SPOCK3: variants seen among roughly 807,000 people sequenced by gnomAD.
SPOCK3 encodes SPARC (osteonectin), cwcv and kazal like domains proteoglycan 3.
A neutral mutation model predicts 56.6 loss-of-function variants in SPOCK3; 30 were observed. The ratio of observed to expected loss-of-function variants is 0.53; its 90% CI spans 0.40 to 0.72. The LOEUF (loss-of-function observed/expected upper bound fraction) is 0.72. SPOCK3 is among the 30% of genes least tolerant of loss of function. SPOCK3 has a pLI of 0.00. For synonymous variants in SPOCK3, 196 were observed against 183.3 expected (o/e 1.07, Z -0.56); for missense variants, 527 against 530.0 (o/e 0.99, Z 0.06).
chr4:166,815,599 C>A (rs765739019), intron 6 of SPOCK3, among the ~76,000 whole-genome samples: 1 of 151,888 alleles, frequency 6.6e-6, no homozygotes, highest in African/African-American at 2.4e-5. Context: ...AGCAACATAG[C>A]AAGACTCTCT....
chr4:167,112,610 C>G (rs550424876), intron 2 of SPOCK3, among the ~76,000 whole-genome samples: 12 of 152,132 alleles, frequency 7.9e-5, no homozygotes, highest in African/African-American at 2.7e-4. Flanking sequence ...AACATCAAGA[C>G]TTCACCATTC....
intron 4 of SPOCK3, among the ~76,000 whole-genome samples, chr4:166,937,392 T>C (rs1465170844): frequency 1.3e-5 from 2 of 149,866 alleles, no homozygotes; most frequent in Admixed American, 6.7e-5. Flanking sequence ...CACACACACG[T>C]ATATATTATA....
At chr4:167,029,803 A>G (rs772039554) in intron 3 of SPOCK3, among the ~76,000 whole-genome samples, 2 of 152,014 alleles carry the variant, frequency 1.3e-5, no homozygotes, top group African/African-American at 2.4e-5. Flanking sequence ...TCCTCTTTCA[A>G]TATGGAAATT....
chr4:167,112,509 C>A (rs1303054079), intron 2 of SPOCK3, among the ~76,000 whole-genome samples: 1 of 152,012 alleles, frequency 6.6e-6, no homozygotes, highest in Admixed American at 6.6e-5. Context: ...AGGACTCTTG[C>A]AGGAAAACAT....
Position 167,234,094 on chromosome 4 carries a change from G to A in SPOCK3, c.80C>T (p.Ala27Val). 1 of 1,613,888 alleles carries A rather than the reference G, an allele frequency of 6.2e-7. No homozygotes were observed. Among genetic ancestry groups the A allele is most frequent in the East Asian group, 2.2e-5 (1 of 44,848 alleles). The stretch of plus-strand genomic sequence containing the variant: ...GCCGTCCGACCGCCCCCCGGCTGCA[G>A]CCACCGCCGCGGCAGCTGCGAGAGA... ...SQSLAAAAAV[A>V]AAGGRSDGGN... The change falls in exon 2 of 11, where the codon GCT (alanine) becomes GTT (valine). Residue 27 changes from alanine (A) to valine (V), a missense_variant. Coordinates refer to ENST00000357545, the MANE Select transcript of SPOCK3 (RefSeq NM_001040159.2).
At chr4:167,121,370 G>A (rs1184774817) in intron 2 of SPOCK3, among the ~76,000 whole-genome samples, 1 of 151,594 alleles carries the variant, frequency 6.6e-6, no homozygotes, top group Middle Eastern at 3.2e-3. Context: ...CTTCGTGTCA[G>A]CAATTCAATT....
intron 6 of SPOCK3, among the ~76,000 whole-genome samples, chr4:166,872,673 C>G (rs1732609377): frequency 6.6e-6 from 1 of 152,106 alleles, no homozygotes; most frequent in Non-Finnish European, 1.5e-5. Context: ...ATAAACATCA[C>G]TAAGTGAAAG....
chr4:167,105,512 C>A (rs1224148416), intron 2 of SPOCK3, among the ~76,000 whole-genome samples: 1 of 107,588 alleles, frequency 9.3e-6, no homozygotes, highest in Admixed American at 8.4e-5. Context: ...ATCACCTTCA[C>A]TAAAAGAAAG....
chr4:167,152,166 G>A (rs77867827), intron 2 of SPOCK3, among the ~76,000 whole-genome samples: 1,553 of 152,250 alleles, frequency 0.01, 15 homozygotes, highest in Non-Finnish European at 0.014. Flanking sequence ...AACACCGTGC[G>A]TCCTAAAGTG....
intron 4 of SPOCK3, among the ~76,000 whole-genome samples, chr4:166,984,924 C>T (rs1001860249): frequency 3.3e-5 from 5 of 151,920 alleles, no homozygotes; most frequent in African/African-American, 1.2e-4. Flanking sequence ...CTTTTAGTTC[C>T]TTACATGGTC....
At chr4:167,159,183 C>T (rs937473744) in intron 2 of SPOCK3, among the ~76,000 whole-genome samples, 2 of 151,892 alleles carry the variant, frequency 1.3e-5, no homozygotes, top group African/African-American at 4.8e-5. Context: ...ATAACTATCT[C>T]GCATAACTAC....
intron 2 of SPOCK3, among the ~76,000 whole-genome samples, chr4:167,169,199 G>A (rs1311512157): frequency 2.0e-5 from 3 of 152,210 alleles, no homozygotes; most frequent in African/African-American, 7.2e-5. Context: ...GCACTGCCTA[G>A]TGCAGATGTG....
At chr4:167,182,687 G>A (rs1375781600) in intron 2 of SPOCK3, among the ~76,000 whole-genome samples, 2 of 151,934 alleles carry the variant, frequency 1.3e-5, no homozygotes, top group Non-Finnish European at 2.9e-5. Context: ...TGGCCCGCGC[G>A]CCACTATGCC....
At chr4:166,903,531 C>A (rs961300398) in intron 5 of SPOCK3, among the ~76,000 whole-genome samples, 1 of 152,042 alleles carries the variant, frequency 6.6e-6, no homozygotes, top group African/African-American at 2.4e-5. Flanking sequence ...TCACTGGAGG[C>A]ACAGCTGTTC....
chr4:166,822,440 T>A (rs757544726), intron 6 of SPOCK3, among the ~76,000 whole-genome samples: 1 of 152,040 alleles, frequency 6.6e-6, no homozygotes, highest in Non-Finnish European at 1.5e-5. Context: ...TGGCTATTAT[T>A]TTTAAATGTC....
chr4:167,050,275 G>A (rs1754076351), intron 3 of SPOCK3, among the ~76,000 whole-genome samples: 1 of 152,128 alleles, frequency 6.6e-6, no homozygotes, highest in South Asian at 2.1e-4. Flanking sequence ...TGACAGAAAT[G>A]AATTATTTTG....
chr4:166,855,662 A>G (rs1435347107), intron 6 of SPOCK3, among the ~76,000 whole-genome samples: 4 of 152,206 alleles, frequency 2.6e-5, no homozygotes, highest in Admixed American at 6.5e-5. Context: ...ACCTTACTTA[A>G]TTCCTTTAAC....
At chr4:166,975,443 C>T (rs1411508501) in intron 4 of SPOCK3, among the ~76,000 whole-genome samples, 1 of 152,112 alleles carries the variant, frequency 6.6e-6, no homozygotes, top group Non-Finnish European at 1.5e-5. Context: ...ACCATGTGCA[C>T]TAATCACATC....
chr4:167,205,659 C>G (rs1430688692), intron 2 of SPOCK3, among the ~76,000 whole-genome samples: 6 of 127,866 alleles, frequency 4.7e-5, no homozygotes. Context: ...GTCACCCAGG[C>G]TGGAGTGCAA....
Sources: allele counts gnomAD v4.1 joint callset (sites outside exome capture counted in the v4.1 genomes callset), GRCh38; gene constraint gnomAD v4.1.1; transcripts MANE v1.5; gene names NCBI Gene and HGNC (gene_info 2026-07-23, HGNC 2026-07-21).